The following SMCO2 variants were observed in gnomAD, a reference collection of about 807,000 sequenced individuals.
SMCO2 encodes the protein single-pass membrane and coiled-coil domain-containing protein 2.
Under a neutral mutation model 29.5 loss-of-function variants are expected in SMCO2, and 25 were observed. The observed-to-expected ratio is 0.85, with a 90% confidence interval of 0.62 to 1.18. The LOEUF is 1.18. Ranked by LOEUF, SMCO2 falls within the 50% of genes most tolerant of loss-of-function variation. The pLI, the probability that SMCO2 is intolerant of heterozygous loss-of-function variation, is 0.00. For missense variants in SMCO2, 348 were observed against 344.5 expected (o/e 1.01, Z -0.08); for synonymous variants, 117 against 123.3 (o/e 0.95, Z 0.34).
Position 27,488,560 on chromosome 12 carries a change from C to A in SMCO2, c.450+13C>A, listed in dbSNP as rs572537159. ...GACAAGCACTGAGGTAAGCTAGAGA[C>A]TTGGGAAAGACTGAGAGGTTGGGGA... On this transcript the variant is annotated intron_variant, in intron 5 of 7. Transcript: ENST00000298876. The A allele has an allele frequency of 4.9e-5, 74 of 1,522,268 alleles. No homozygotes were observed. The South Asian group carries it at 9.2e-4, about 19-fold the overall frequency. The allele number at this position is 1,522,268 out of a possible 1,614,324, so 94.3% of individuals were successfully genotyped here. A position where few individuals can be genotyped will look rare whatever the true frequency, so the allele number is the denominator to read the frequency against.
intron 4 of SMCO2, among the ~76,000 whole-genome samples, chr12:27,488,155 C>G (rs533438157): frequency 1.3e-5 from 2 of 152,208 alleles, no homozygotes; most frequent in Non-Finnish European, 2.9e-5. Context: ...GAACTCTTCT[C>G]CTAATCTTAT....
the SMCO2 span, among the ~76,000 whole-genome samples, chr12:27,446,982 A>G: frequency 6.6e-6 from 1 of 152,128 alleles, no homozygotes; most frequent in Non-Finnish European, 1.5e-5. Context: ...GAGCATTGGC[A>G]TTTTATAAAG....
rs3051857 is a variant in SMCO2, at chr12:27,482,009, C to CTTT, written c.363-6442_363-6440dup. Among the ~76,000 whole-genome samples, 11 of 142,878 alleles carry CTTT rather than the reference C, an allele frequency of 7.7e-5. No homozygotes were observed. The East Asian group carries it at 8.1e-4, about 11-fold the overall frequency. The allele number at this position is 142,878 out of a possible 152,430, so 93.7% of individuals were successfully genotyped here. A position where few individuals can be genotyped will look rare whatever the true frequency, so the allele number is the denominator to read the frequency against. On this transcript the variant is annotated intron_variant, in intron 4 of 7. Coordinates refer to ENST00000298876, the Ensembl canonical transcript of SMCO2. ...TTTTGAAAATTTTCATTTGATTCTG[C>CTTT]TTTTTTTTTTTAATTATGTCCTTTC...
chr12:27,465,028 CAAAAAAAA>C (rs35630976), upstream of SMCO2, among the ~76,000 whole-genome samples: 4 of 60,564 alleles, frequency 6.6e-5, no homozygotes, highest in African/African-American at 2.4e-4. Context: ...GACCCTGTCT[CAAAAAAAA>C]AAAAAAAAAA....
At chr12:27,441,426 G>C in the SMCO2 span, among the ~76,000 whole-genome samples, 8 of 152,210 alleles carry the variant, frequency 5.3e-5, no homozygotes, top group African/African-American at 1.9e-4. Context: ...AAACAAGCAT[G>C]ACTAACTATA....
chr12:27,491,445 G>A (rs976103996), intron 5 of SMCO2, among the ~76,000 whole-genome samples: 6 of 152,090 alleles, frequency 3.9e-5, no homozygotes, highest in African/African-American at 1.4e-4. Context: ...TGTTTACTCT[G>A]TAAATAAACT....
intron 7 of SMCO2, 67 bp downstream of exon 8, chr12:27,495,922 T>C (rs999469243): frequency 7.7e-7 from 1 of 1,298,546 alleles, no homozygotes; most frequent in South Asian, 2.7e-5. Flanking sequence ...TATGCTGGGA[T>C]TGATTTTTTT....
At chr12:27,492,548 A>T (rs1942931166) in intron 5 of SMCO2, among the ~76,000 whole-genome samples, 1 of 152,224 alleles carries the variant, frequency 6.6e-6, no homozygotes, top group Admixed American at 6.5e-5. Flanking sequence ...TCAAAAGAAG[A>T]CATACATGCG....
the SMCO2 span, among the ~76,000 whole-genome samples, chr12:27,426,932 A>G: frequency 2.6e-5 from 4 of 152,330 alleles, no homozygotes; most frequent in South Asian, 8.3e-4. Flanking sequence ...CTAATAAATG[A>G]CATCATTTGT....
intron 5 of SMCO2, among the ~76,000 whole-genome samples, chr12:27,489,606 G>T (rs1301226939): frequency 6.6e-6 from 1 of 152,132 alleles, no homozygotes; most frequent in Admixed American, 6.5e-5. Context: ...ATTAAAGGAA[G>T]GTGTCATTTA....
At chr12:27,451,970 T>G in the SMCO2 span, among the ~76,000 whole-genome samples, 84 of 152,306 alleles carry the variant, frequency 5.5e-4, no homozygotes, top group Middle Eastern at 3.4e-3. Flanking sequence ...TATCCCTCTC[T>G]GCAGGGAATA....
chr12:27,477,981 T>C (rs1949604789), intron 4 of SMCO2, among the ~76,000 whole-genome samples: 2 of 152,208 alleles, frequency 1.3e-5, no homozygotes. Flanking sequence ...TTTTTCATGT[T>C]TCTTTGGTTC....
intron 4 of SMCO2, among the ~76,000 whole-genome samples, chr12:27,476,017 T>A (rs1949583414): frequency 6.6e-6 from 1 of 152,240 alleles, no homozygotes; most frequent in African/African-American, 2.4e-5. Context: ...TAAACTTACC[T>A]CTTTGTCAGG....
upstream of SMCO2, among the ~76,000 whole-genome samples, chr12:27,465,482 G>C (rs538726887): frequency 6.6e-6 from 1 of 152,304 alleles, no homozygotes; most frequent in Non-Finnish European, 1.5e-5. Context: ...ATGGAGTCTG[G>C]TTCCTAACTA....
chr12:27,437,201 T>C, the SMCO2 span, among the ~76,000 whole-genome samples: 1 of 152,008 alleles, frequency 6.6e-6, no homozygotes, highest in East Asian at 1.9e-4. Context: ...AGCCCAGGAG[T>C]TCGAGGCTAC....
At chr12:27,490,667 C>T (rs143785953) in intron 5 of SMCO2, among the ~76,000 whole-genome samples, 1 of 152,298 alleles carries the variant, frequency 6.6e-6, no homozygotes, top group Admixed American at 6.5e-5. Flanking sequence ...TGGTGACTCA[C>T]ACCTGTAACC....
chr12:27,484,194 C>T (rs1257958828), intron 4 of SMCO2, among the ~76,000 whole-genome samples: 1 of 152,130 alleles, frequency 6.6e-6, no homozygotes, highest in Admixed American at 6.6e-5. Context: ...AGTTGGAGAC[C>T]ATCCTGGCCA....
At chr12:27,465,874 A>G (rs1161477019), upstream of SMCO2, among the ~76,000 whole-genome samples, 4 of 152,284 alleles carry the variant, frequency 2.6e-5, no homozygotes, top group East Asian at 5.8e-4. Context: ...CTTTATCTCC[A>G]TGGTGCTGAA....
intron 7 of SMCO2, chr12:27,498,001 C>A: frequency 3.5e-6 from 1 of 286,506 alleles, no homozygotes; most frequent in South Asian, 4.9e-5. Context: ...CAGTTCATCT[C>A]GTAGACCTGG....
Sources: gnomAD v4.1 joint callset for allele counts (sites outside exome capture counted in the v4.1 genomes callset) on GRCh38, gnomAD v4.1.1 for gene constraint, MANE v1.5 for transcripts, NCBI Gene and HGNC (gene_info 2026-07-23, HGNC 2026-07-21) for gene names.